The following POP1 variants were observed in gnomAD, a reference collection of about 807,000 sequenced individuals.
POP1 encodes the protein POP1 ribonuclease P/MRP subunit.
A neutral mutation model predicts 102.2 loss-of-function variants in POP1; 75 were observed. The ratio of observed to expected loss-of-function variants is 0.73; its 90% confidence interval spans 0.61 to 0.89. The LOEUF (loss-of-function observed/expected upper bound fraction) is 0.89, where lower values mean the gene tolerates loss of function less well. Among genes scored for constraint, POP1 ranks in the 40% least tolerant of loss-of-function variants. The pLI, the probability that POP1 is intolerant of heterozygous loss-of-function variation, is 0.00. For missense variants in POP1, 1,116 were observed against 1,267.4 expected (o/e 0.88, Z 1.81); for synonymous variants, 436 against 464.1 (o/e 0.94, Z 0.78).
chr8:98,123,027 G>T (rs1816079244), intron 1 of POP1, among the ~76,000 whole-genome samples: 1 of 152,198 alleles, frequency 6.6e-6, no homozygotes, highest in Non-Finnish European at 1.5e-5. Flanking sequence ...TTGGAATAGG[G>T]TGTTCTGTAT....
Position 98,123,551 on chromosome 8 carries a change from G to A in POP1, c.142+72G>A, listed in dbSNP as rs532284610. On this transcript the variant is annotated intron_variant, in intron 2 of 15. Coordinates refer to ENST00000401707, the MANE Select transcript of POP1 (RefSeq NM_001145860.2). ...CCCAGCACTTTGGGAGGCTGAAGTG[G>A]GCGGTTCATGAGGTCAAGAGATCAA... The A allele has an allele frequency of 2.4e-5, 34 of 1,438,720 alleles. No homozygotes were observed. In the African/African-American group the frequency reaches 4.1e-4, roughly 17 times the overall value. The allele number at this position is 1,438,720 out of a possible 1,614,324, so 89.1% of individuals were successfully genotyped here. A position where few individuals can be genotyped will look rare whatever the true frequency, so the allele number is the denominator to read the frequency against.
At chr8:98,121,521 T>TC (rs1457253483) in intron 1 of POP1, among the ~76,000 whole-genome samples, 1 of 149,352 alleles carries the variant, frequency 6.7e-6, no homozygotes, top group East Asian at 1.9e-4. Context: ...GGTTTTTTTT[T>TC]TTTTTTTTTT....
intron 14 of POP1, among the ~76,000 whole-genome samples, chr8:98,151,853 C>A (rs1430065041): frequency 1.3e-5 from 2 of 151,732 alleles, no homozygotes; most frequent in African/African-American, 4.8e-5. Flanking sequence ...GGTGATCCTC[C>A]CACCTCAGCC....
chr8:98,124,740 A>C (rs957822622), intron 2 of POP1, among the ~76,000 whole-genome samples: 7 of 152,190 alleles, frequency 4.6e-5, no homozygotes, highest in African/African-American at 9.7e-5. Flanking sequence ...TTTTATTTCT[A>C]CCTTAACATC....
chr8:98,157,698 C>T lies in POP1; in HGVS notation c.2502C>T (p.Gly834=). 1.2e-6 allele frequency: 2 copies of T among 1,614,208 alleles called. No individual in the cohort carries two copies. Among genetic ancestry groups the T allele is most frequent in the Non-Finnish European group, 1.7e-6 (2 of 1,180,038 alleles). The part of the protein sequence containing the change: ...EDSRGGRRAP[G]RGQQGLTREA... ...GTCGGGGAGGCCGGCGAGCTCCCGGCAGAGGCCAGCAAGGATTGACCAGAG... is the reference window on the plus strand; with the variant it reads ...GTCGGGGAGGCCGGCGAGCTCCCGGTAGAGGCCAGCAAGGATTGACCAGAG... Residue 834 remains glycine (G), a synonymous_variant, in exon 16 of 16, where the codon GGC becomes GGT. Transcript: ENST00000401707.
intron 5 of POP1, among the ~76,000 whole-genome samples, chr8:98,132,460 T>C (rs1170065706): frequency 6.6e-6 from 1 of 152,202 alleles, no homozygotes; most frequent in Non-Finnish European, 1.5e-5. Flanking sequence ...TTTGTGTGAG[T>C]GATCATATTG....
chr8:98,139,774 G>A (rs531468784), intron 9 of POP1, among the ~76,000 whole-genome samples: 9 of 152,254 alleles, frequency 5.9e-5, no homozygotes, highest in Non-Finnish European at 1.2e-4. Flanking sequence ...TTGGTACTGC[G>A]CTCTGGAGAG....
In POP1 at chr8:98,158,314, A is replaced by G; in HGVS notation, c.*43A>G. 6.3e-7 allele frequency: 1 copy of G among 1,592,778 alleles called. No homozygotes were observed. The highest frequency in any genetic ancestry group is 2.2e-5 in the East Asian group (1 of 44,844). On this transcript the variant is annotated 3_prime_UTR_variant, in exon 16 of 16. Transcript: ENST00000401707. ...AGCAGGGCATAGATAATACGTTATT[A>G]TTGTCTGCCAAGTTCTACATGTGGA...
Position 98,123,391 on chromosome 8 carries a change from C to T in POP1, c.54C>T (p.Thr18=), listed in dbSNP as rs372465444. The T allele has an allele frequency of 5.6e-6, 9 of 1,613,992 alleles. No individual in the cohort carries two copies. Among genetic ancestry groups the T allele is most frequent in the South Asian group, 1.1e-5 (1 of 91,060 alleles). ...KHAKKMRNQP[T]NVTLSSGFVA... ...CCAAGAAAATGAGAAACCAGCCTAC[C>T]AATGTGACTCTGTCCTCTGGCTTTG... The change falls in exon 2 of 16, where the codon ACC becomes ACT. Residue 18 remains threonine, a synonymous_variant. Coordinates refer to ENST00000401707, the MANE Select transcript of POP1 (RefSeq NM_001145860.2).
Position 98,158,001 on chromosome 8 carries a change from G to T in POP1, c.2805G>T (p.Glu935Asp), listed in dbSNP as rs1341857295. ...RASSDGPAGE[E>D]PVAGQEALTL... ...CTTCTGATGGCCCGGCGGGGGAAGA[G>T]CCCGTGGCTGGGCAGGAAGCTCTGA... Residue 935 changes from glutamate (E) to aspartate (D), a missense_variant, in exon 16 of 16, where the codon GAG becomes GAT. Coordinates refer to ENST00000401707, the MANE Select transcript of POP1 (RefSeq NM_001145860.2). 2 of 1,612,660 alleles carry T rather than the reference G, an allele frequency of 1.2e-6. No homozygotes were observed. The highest frequency in any genetic ancestry group is 4.5e-5 in the East Asian group (2 of 44,892).
chr8:98,131,944 C>T (rs1816394304), intron 5 of POP1, among the ~76,000 whole-genome samples: 1 of 152,178 alleles, frequency 6.6e-6, no homozygotes, highest in Non-Finnish European at 1.5e-5. Flanking sequence ...AGTGACTTGC[C>T]TGGGCTCACA....
intron 5 of POP1, among the ~76,000 whole-genome samples, chr8:98,133,323 A>C (rs1482724593): frequency 6.6e-6 from 1 of 152,200 alleles, no homozygotes; most frequent in Admixed American, 6.5e-5. Context: ...ATCTCTCTTC[A>C]TCTTACTTGA....
At chr8:98,155,514 G>A (rs953682778) in intron 14 of POP1, among the ~76,000 whole-genome samples, 7 of 149,012 alleles carry the variant, frequency 4.7e-5, no homozygotes, top group African/African-American at 1.2e-4. Flanking sequence ...AACTCCTGAC[G>A]TGACGTGATC....
chr8:98,156,213 T>G lies in POP1; in HGVS notation c.2221T>G (p.Ser741Ala). 6.2e-7 allele frequency: 1 copy of G among 1,614,068 alleles called. No homozygotes were observed. Among genetic ancestry groups the G allele is most frequent in the African/African-American group, 1.3e-5 (1 of 74,994 alleles). The change falls in exon 15 of 16, where the codon TCT becomes GCT. Residue 741 changes from serine to alanine, a missense_variant. Physicochemically the swap from Ser to Ala is moderately conservative, Grantham distance 99. Transcript: ENST00000401707. ...PNGKESDLRR[S>A]EVPCAPMPKK... is the part of the protein sequence containing the mutation. ...TGGTAAGGAGAGTGACCTAAGAAGA[T>G]CTGAGGTGCCTTGTGCTCCCATGCC...
intron 15 of POP1, 91 bp downstream of exon 15, chr8:98,156,503 T>C (rs1809652563): frequency 2.6e-6 from 4 of 1,521,432 alleles, no homozygotes; most frequent in Non-Finnish European, 3.6e-6. Flanking sequence ...TGTTTGTTTA[T>C]GCAAAATCCA....
Position 98,127,638 on chromosome 8 carries a change from C to T in POP1, c.186C>T (p.Asn62=), listed in dbSNP as rs200850719. ...CACGACAGCGGCAAACCAGAGTCAA[C>T]CCCCATTCTCTGCCTGACCCTGAAG... ...GTSRQRQTRV[N]PHSLPDPEVN... Residue 62 remains asparagine, a synonymous_variant, in exon 3 of 16, where the codon AAC becomes AAT. Transcript: ENST00000401707. 6.2e-7 allele frequency: 1 copy of T among 1,614,154 alleles called. No individual in the cohort carries two copies.
chr8:98,142,115 C>T (rs796203971), intron 11 of POP1, among the ~76,000 whole-genome samples: 1 of 152,102 alleles, frequency 6.6e-6, no homozygotes, highest in Non-Finnish European at 1.5e-5. Context: ...TAAATGTTGA[C>T]TATTATAATT....
At chr8:98,144,614 A>G (rs1816795455) in intron 11 of POP1, among the ~76,000 whole-genome samples, 1 of 152,196 alleles carries the variant, frequency 6.6e-6, no homozygotes, top group East Asian at 1.9e-4. Flanking sequence ...AAGATGAGGT[A>G]GTACTTTCCT....
chr8:98,146,822 A>T (rs1816857150), intron 12 of POP1, 139 bp downstream of exon 12: 2 of 678,554 alleles, frequency 2.9e-6, no homozygotes, highest in South Asian at 3.1e-5. Context: ...GTTGATCCCT[A>T]ACTCATGATA....
Sources: gnomAD v4.1 joint callset for allele counts (sites outside exome capture counted in the v4.1 genomes callset) on GRCh38, gnomAD v4.1.1 for gene constraint, MANE v1.5 for transcripts, NCBI Gene and HGNC (gene_info 2026-07-23, HGNC 2026-07-21) for gene names.